Variants in FSTL4 observed in about 807,000 individuals in gnomAD.
FSTL4 encodes the protein follistatin like 4, also known as follistatin-related protein 4.
A neutral mutation model predicts 78.2 loss-of-function variants in FSTL4; 28 were observed. The observed-to-expected ratio is 0.36, with a 90% CI of 0.27 to 0.49. FSTL4 has a LOEUF of 0.49. FSTL4 is among the 20% of genes least tolerant of loss of function. The probability of loss-of-function intolerance (pLI) is 0.98; values close to 1 mark genes in which losing one functional copy is unlikely to be tolerated. For synonymous variants in FSTL4, 422 were observed against 440.5 expected, an observed-to-expected ratio of 0.96 and a Z score of 0.53; for missense variants, 922 against 1,084.9, an observed-to-expected ratio of 0.85 and a Z score of 2.11.
chr5:133,628,366 C>CT, the FSTL4 span, among the ~76,000 whole-genome samples: 10,931 of 134,574 alleles, frequency 0.081, 439 homozygotes, highest in South Asian at 0.18. Context: ...CTTTTCTTTT[C>CT]TTTTTTTTTT....
intron 2 of FSTL4, among the ~76,000 whole-genome samples, chr5:133,581,641 G>A (rs1164316246): frequency 2.6e-5 from 4 of 152,260 alleles, no homozygotes; most frequent in Non-Finnish European, 4.4e-5. Context: ...AATGAGGACA[G>A]AAGTGGGCAT....
chr5:133,768,330 C>G, the FSTL4 span, among the ~76,000 whole-genome samples: 3 of 152,176 alleles, frequency 2.0e-5, no homozygotes, highest in African/African-American at 7.2e-5. Flanking sequence ...CCACCACCAC[C>G]GGAAGTGTTG....
chr5:133,503,415 C>A (rs1758541501), intron 3 of FSTL4, among the ~76,000 whole-genome samples: 1 of 152,148 alleles, frequency 6.6e-6, no homozygotes, highest in East Asian at 1.9e-4. Context: ...TAACAATAAG[C>A]TCGCATAAGC....
At chr5:133,375,291 C>CATATATATACATATATATATATATAT (rs1755402567) in intron 4 of FSTL4, among the ~76,000 whole-genome samples, 1 of 57,918 alleles carries the variant, frequency 1.7e-5, no homozygotes, top group Non-Finnish European at 4.6e-5. Flanking sequence ...GTGTGCATGG[C>CATATATATACATATATATATATATAT]ATATATATAT....
chr5:133,624,115 G>T, the FSTL4 span, among the ~76,000 whole-genome samples: 9 of 151,842 alleles, frequency 5.9e-5, no homozygotes, highest in African/African-American at 1.9e-4. Flanking sequence ...ATGCCCAAAA[G>T]AATTGAAAAT....
chr5:133,209,354 G>A (rs1750629633), intron 14 of FSTL4, among the ~76,000 whole-genome samples: 2 of 152,136 alleles, frequency 1.3e-5, no homozygotes, highest in South Asian at 4.1e-4. Flanking sequence ...GTTCTACAGG[G>A]GAGTTAGCTC....
chr5:133,830,407 C>T, the FSTL4 span, among the ~76,000 whole-genome samples: 1 of 152,132 alleles, frequency 6.6e-6, no homozygotes, highest in Non-Finnish European at 1.5e-5. Context: ...TCTGGAAGTA[C>T]CACCGCATGG....
the FSTL4 span, among the ~76,000 whole-genome samples, chr5:133,675,911 CAG>C: frequency 6.6e-6 from 1 of 152,118 alleles, no homozygotes; most frequent in Non-Finnish European, 1.5e-5. Flanking sequence ...GGCAACAAGG[CAG>C]AGTCAGCCTA....
chr5:133,640,923 C>T, the FSTL4 span, among the ~76,000 whole-genome samples: 1 of 152,206 alleles, frequency 6.6e-6, no homozygotes, highest in Non-Finnish European at 1.5e-5. Context: ...TAATCAGTTA[C>T]CTTACACAAA....
chr5:133,219,211 C>A (rs1420136002), intron 12 of FSTL4, among the ~76,000 whole-genome samples: 1 of 152,162 alleles, frequency 6.6e-6, no homozygotes, highest in African/African-American at 2.4e-5. Context: ...ATGCTAATGG[C>A]ACCCAGATCT....
chr5:133,283,797 G>A (rs978874077), intron 6 of FSTL4, among the ~76,000 whole-genome samples: 1 of 152,194 alleles, frequency 6.6e-6, no homozygotes, highest in Non-Finnish European at 1.5e-5. Flanking sequence ...GGTTATTGAT[G>A]AAGAACAGAG....
At chr5:133,832,313 T>C in the FSTL4 span, among the ~76,000 whole-genome samples, 1 of 152,258 alleles carries the variant, frequency 6.6e-6, no homozygotes, top group Non-Finnish European at 1.5e-5. Flanking sequence ...AATGTCCCCT[T>C]GTACTCAGGA....
the FSTL4 span, among the ~76,000 whole-genome samples, chr5:133,624,875 T>A: frequency 6.6e-6 from 1 of 151,812 alleles, no homozygotes; most frequent in East Asian, 1.9e-4. Flanking sequence ...TAAACCTGTG[T>A]ATCATTTTGG....
the FSTL4 span, among the ~76,000 whole-genome samples, chr5:133,741,658 T>A: frequency 1.3e-5 from 2 of 152,194 alleles, no homozygotes; most frequent in Admixed American, 6.5e-5. Context: ...GAGGCCTCTC[T>A]GCCCAAGTGG....
the FSTL4 span, among the ~76,000 whole-genome samples, chr5:133,675,240 T>C: frequency 6.6e-6 from 1 of 152,070 alleles, no homozygotes; most frequent in Non-Finnish European, 1.5e-5. Flanking sequence ...AAGGAGCTCG[T>C]GTGAGAAAGA....
chr5:133,786,474 A>C, the FSTL4 span, among the ~76,000 whole-genome samples: 1 of 152,242 alleles, frequency 6.6e-6, no homozygotes, highest in Non-Finnish European at 1.5e-5. Flanking sequence ...CCTCGTATAA[A>C]GTCTACCAAA....
intron 3 of FSTL4, among the ~76,000 whole-genome samples, chr5:133,488,883 T>C (rs1303227862): frequency 6.6e-6 from 1 of 152,120 alleles, no homozygotes; most frequent in African/African-American, 2.4e-5. Flanking sequence ...TCCTACTCTC[T>C]GGCATCTGGA....
intron 5 of FSTL4, among the ~76,000 whole-genome samples, chr5:133,316,121 A>T (rs1753897060): frequency 6.6e-6 from 1 of 152,228 alleles, no homozygotes; most frequent in South Asian, 2.1e-4. Context: ...CTTCCAGGTT[A>T]TAGCTCCAAT....
At chr5:133,837,715 T>C in the FSTL4 span, among the ~76,000 whole-genome samples, 2 of 152,156 alleles carry the variant, frequency 1.3e-5, no homozygotes, top group Non-Finnish European at 2.9e-5. Context: ...AGAACCACAA[T>C]TTTCCCCTGA....
Sources: gnomAD v4.1 joint callset for allele counts (sites outside exome capture counted in the v4.1 genomes callset) on GRCh38, gnomAD v4.1.1 for gene constraint, MANE v1.5 for transcripts, NCBI Gene and HGNC (gene_info 2026-07-23, HGNC 2026-07-21) for gene names.